RICTOR: variants seen among roughly 807,000 people sequenced by gnomAD.
RICTOR encodes RPTOR independent companion of MTOR complex 2.
In RICTOR, 49 loss-of-function variants were observed where a neutral mutation model predicts 214.9. That is an observed-to-expected ratio of 0.23 (90% CI 0.18 to 0.29). The LOEUF is 0.29. Ranked by LOEUF, RICTOR falls within the 10% of genes least tolerant of loss-of-function variation. The pLI is 1.00. For missense variants in RICTOR, 1,625 were observed against 2,047.0 expected (o/e 0.79, Z 3.98); for synonymous variants, 717 against 711.3 (o/e 1.01, Z -0.13).
At chr5:39,059,162 G>A (rs958093438) in intron 2 of RICTOR, among the ~76,000 whole-genome samples, 2 of 151,966 alleles carry the variant, frequency 1.3e-5, no homozygotes, top group African/African-American at 4.8e-5. Flanking sequence ...ATACAACATG[G>A]TGATAAGACA....
chr5:39,064,286 A>G (rs916368785), intron 2 of RICTOR, among the ~76,000 whole-genome samples: 9 of 152,248 alleles, frequency 5.9e-5, no homozygotes, highest in African/African-American at 2.2e-4. Flanking sequence ...AAGCATTAAC[A>G]GTCAACTTCA....
intron 2 of RICTOR, among the ~76,000 whole-genome samples, chr5:39,066,914 A>G (rs776048034): frequency 6.6e-6 from 1 of 152,162 alleles, no homozygotes; most frequent in Non-Finnish European, 1.5e-5. Context: ...CACTACCAGC[A>G]TTTTGGTCAC....
At chr5:38,945,829 C>A in intron 33 of RICTOR, 105 bp from the exon 34 acceptor site, 3 of 554,434 alleles carry the variant, frequency 5.4e-6, no homozygotes, top group Non-Finnish European at 9.3e-6. Context: ...TTTTATGACT[C>A]AAAATCTAAC....
intron 5 of RICTOR, among the ~76,000 whole-genome samples, chr5:38,999,026 G>T (rs1396446352): frequency 7.8e-5 from 1 of 12,890 alleles, no homozygotes; most frequent in African/African-American, 3.3e-4. Flanking sequence ...AAACAAACAG[G>T]CAAAAAAAAA....
At chr5:38,977,280 A>G (rs889266604) in intron 9 of RICTOR, among the ~76,000 whole-genome samples, 1 of 152,230 alleles carries the variant, frequency 6.6e-6, no homozygotes, top group Non-Finnish European at 1.5e-5. Context: ...CCTCCAGGCA[A>G]GACCTGAGCC....
chr5:39,007,368 A>G lies in RICTOR; in HGVS notation c.196-3746T>C, dbSNP rs141734631. 3.5e-3 allele frequency among the ~76,000 whole-genome samples: 538 copies of G among 152,212 alleles called. 2 individuals carry two copies. The highest frequency in any genetic ancestry group is 0.012 in the African/African-American group (503 of 41,506). On this transcript the variant is annotated intron_variant, in intron 3 of 37. Transcript: ENST00000357387. The stretch of plus-strand genomic sequence containing the variant: ...TGTCTCCTAATCTACACTTTTTATA[A>G]GAGATTATATTAGATTAGGCCCACC...
chr5:38,958,775 T>C lies in RICTOR; in HGVS notation c.2235A>G (p.Glu745=), dbSNP rs61763058. The part of the protein sequence containing the change: ...HLRVLLRANV[E]FFNNWGIELL... ...ACTCAATTCCCCAATTATTAAAGAA[T>C]TCAACATTAGCTCTCAATAATACCC... Residue 745 remains glutamate (E), a synonymous_variant, in exon 23 of 38, where the codon GAA becomes GAG. Transcript: ENST00000357387. 6.2e-3 allele frequency: 10,045 copies of C among 1,611,160 alleles called. 217 individuals are homozygous for C. The highest frequency in any genetic ancestry group is 0.053 in the African/African-American group (3,979 of 74,854).
intron 8 of RICTOR, among the ~76,000 whole-genome samples, chr5:38,979,573 A>C (rs1751539096): frequency 6.6e-6 from 1 of 152,088 alleles, no homozygotes; most frequent in Non-Finnish European, 1.5e-5. Context: ...TAATTTATAC[A>C]GTTTCAATGA....
Position 38,959,715 on chromosome 5 carries a change from C to A in RICTOR, c.2051+64G>T, listed in dbSNP as rs2150016913. The A allele has an allele frequency of 2.9e-6, 3 of 1,027,520 alleles. No individual in the cohort carries two copies. In the South Asian group the frequency reaches 3.9e-5, roughly 13 times the overall value. The allele number at this position is 1,027,520 out of a possible 1,614,324, so 63.7% of individuals were successfully genotyped here. A position where few individuals can be genotyped will look rare whatever the true frequency, so the allele number is the denominator to read the frequency against. ...CATGTACACAGAATAAAAAGCATAC[C>A]ATATCTAACTACATTAAAAATAAAG... On this transcript the variant is annotated intron_variant, in intron 21 of 37. Coordinates refer to ENST00000357387, the MANE Select transcript of RICTOR (RefSeq NM_152756.5).
chr5:39,013,770 GAT>G (rs1312718828), intron 3 of RICTOR, among the ~76,000 whole-genome samples: 1 of 152,074 alleles, frequency 6.6e-6, no homozygotes, highest in Admixed American at 6.6e-5. Flanking sequence ...AGCATGCTAT[GAT>G]ATATTGGGAT....
At chr5:38,969,640 T>C (rs903543376) in intron 11 of RICTOR, 2 of 151,712 alleles carry the variant, frequency 1.3e-5, no homozygotes, top group African/African-American at 2.4e-5. Context: ...GCACTGTAAG[T>C]AGCCTATATA....
intron 2 of RICTOR, among the ~76,000 whole-genome samples, chr5:39,043,714 T>C (rs1339511073): frequency 6.6e-6 from 1 of 152,146 alleles, no homozygotes; most frequent in Non-Finnish European, 1.5e-5. Flanking sequence ...AGTGTGGCTG[T>C]ATTGAGAGGT....
At chr5:38,995,921 T>G (rs1053109824) in intron 6 of RICTOR, among the ~76,000 whole-genome samples, 1 of 152,304 alleles carries the variant, frequency 6.6e-6, no homozygotes, top group East Asian at 1.9e-4. Context: ...AAGGCTTAAC[T>G]CATCCATTTA....
intron 1 of RICTOR, 40 bp from the exon 2 acceptor site, chr5:39,074,198 C>T (rs750628657): frequency 1.3e-6 from 2 of 1,587,074 alleles, no homozygotes; most frequent in Admixed American, 1.7e-5. Flanking sequence ...AGGATTGGCT[C>T]GCAGGCCAGC....
intron 25 of RICTOR, among the ~76,000 whole-genome samples, chr5:38,956,137 C>G (rs975365000): frequency 6.6e-6 from 1 of 151,994 alleles, no homozygotes; most frequent in Non-Finnish European, 1.5e-5. Flanking sequence ...TTTGAAAATA[C>G]CCAGAAAATG....
At chr5:39,036,675 T>C (rs1313247866) in intron 2 of RICTOR, among the ~76,000 whole-genome samples, 1 of 152,078 alleles carries the variant, frequency 6.6e-6, no homozygotes, top group African/African-American at 2.4e-5. Flanking sequence ...TCCTAGTCTC[T>C]GATAAAACAG....
At position 39,026,236 on chromosome 5, in the gene RICTOR, G is replaced by A. The variant is rs572578413; in HGVS notation, c.98-5100C>T. Among the ~76,000 whole-genome samples, 102 of 152,198 alleles carry A rather than the reference G, an allele frequency of 6.7e-4. 1 individual carries two copies. The Middle Eastern group carries it at 0.017, about 25-fold the overall frequency. On this transcript the variant is annotated intron_variant, in intron 2 of 37. Coordinates refer to ENST00000357387, the MANE Select transcript of RICTOR (RefSeq NM_152756.5). ...CTCACACCTGTAGTCCCATCTACTC[G>A]GGAGGCTGAGGTGGGAGGACTGCTT...
intron 7 of RICTOR, among the ~76,000 whole-genome samples, chr5:38,983,994 AG>A (rs1259539564): frequency 6.6e-6 from 1 of 152,126 alleles, no homozygotes; most frequent in Non-Finnish European, 1.5e-5. Flanking sequence ...AACAAAAGAA[AG>A]AAATCTGTAT....
At chr5:38,999,027 CAAAAAAAAAAA>C (rs1186312478) in intron 5 of RICTOR, among the ~76,000 whole-genome samples, 3 of 25,348 alleles carry the variant, frequency 1.2e-4, no homozygotes, top group Admixed American at 4.9e-4. Flanking sequence ...AACAAACAGG[CAAAAAAAAAAA>C]AAAAAAAAAA....
Sources: gnomAD v4.1 joint callset for allele counts (sites outside exome capture counted in the v4.1 genomes callset) on GRCh38, gnomAD v4.1.1 for gene constraint, MANE v1.5 for transcripts, NCBI Gene and HGNC (gene_info 2026-07-23, HGNC 2026-07-21) for gene names.